Variants in ANO7 observed in about 807,000 individuals in gnomAD.
The protein encoded by ANO7 is anoctamin-7.
A neutral mutation model predicts 115.8 loss-of-function variants in ANO7; 114 were observed. The ratio of observed to expected loss-of-function variants is 0.98; its 90% CI spans 0.85 to 1.15. The LOEUF (loss-of-function observed/expected upper bound fraction) is 1.15, where lower values mean the gene tolerates loss of function less well. Ranked by LOEUF, ANO7 falls within the 50% of genes most tolerant of loss-of-function variation. The probability of loss-of-function intolerance (pLI) is 0.00; values close to 1 mark genes in which losing one functional copy is unlikely to be tolerated. For missense variants in ANO7, 1,302 were observed against 1,201.2 expected (o/e 1.08, Z -1.24); for synonymous variants, 550 against 498.2 (o/e 1.10, Z -1.38).
At chr2:241,189,080 G>A (rs772160247) in intron 1 of ANO7, among the ~76,000 whole-genome samples, 10 of 152,188 alleles carry the variant, frequency 6.6e-5, no homozygotes, top group Admixed American at 2.0e-4. Context: ...GGAGGGGCCC[G>A]CCTGCCCACC....
the ANO7 span, chr2:241,238,428 C>G: frequency 5.2e-6 from 2 of 385,846 alleles, no homozygotes; most frequent in Non-Finnish European, 9.2e-6. This position sits in a 1 kb window ranked among gnomAD's most constrained non-coding sequence, Gnocchi z 4.9. Flanking sequence ...CCTTGTGTGT[C>G]TCTAGGACCT....
intron 11 of ANO7, among the ~76,000 whole-genome samples, chr2:241,209,021 C>A (rs113393302): frequency 3.3e-5 from 5 of 152,152 alleles, no homozygotes; most frequent in East Asian, 1.9e-4. Flanking sequence ...TGGTGGCGGG[C>A]GCCTGTAGTC....
intron 9 of ANO7, among the ~76,000 whole-genome samples, chr2:241,204,357 G>A (rs924415532): frequency 2.0e-5 from 3 of 151,916 alleles, no homozygotes; most frequent in Non-Finnish European, 4.4e-5. Context: ...GGAGGCAGTG[G>A]GGGTACATGC....
At chr2:241,217,507 CAG>C in intron 19 of ANO7, 177 bp from the exon 20 acceptor site, 1 of 687,194 alleles carries the variant, frequency 1.5e-6, no homozygotes, top group Non-Finnish European at 2.4e-6. Context: ...TGAGGCCGGT[CAG>C]GAGAGGCGGC....
rs1436059237 is a variant in ANO7 at position 241,209,263 on chromosome 2, ACGCCCC to A, written c.1078-18_1078-13del. On this transcript the variant is annotated splice_polypyrimidine_tract_variant and intron_variant, in intron 11 of 24. Coordinates refer to ENST00000674324, the MANE Select transcript of ANO7 (RefSeq NM_001370694.2). ...GGCCTCCAGTCCCAAGCAAGTCTGG[ACGCCCC>A]CGCTCCCTGCCACAGGCCGGCCGGC... The A allele has an allele frequency of 6.5e-7, 1 of 1,541,592 alleles. No homozygotes were observed. Among genetic ancestry groups the A allele is most frequent in the Non-Finnish European group, 8.7e-7 (1 of 1,144,556 alleles).
rs947583424 is a variant in ANO7, at chr2:241,223,665, G to A, written c.2416G>A (p.Val806Met). ...RLAFVIVFEH[V>M]VFSVGRLLDL... ...GAGTGCCTTCCTCTGCTCCCAGCATGTGGTTTTCTCCGTTGGCCGCCTCCT... is the reference window on the plus strand; with the variant it reads ...GAGTGCCTTCCTCTGCTCCCAGCATATGGTTTTCTCCGTTGGCCGCCTCCT... Residue 806 changes from valine to methionine, a missense_variant, in exon 23 of 25, where the codon GTG (valine) becomes ATG (methionine). Physicochemically the swap from Val to Met is conservative, Grantham distance 21. Transcript: ENST00000674324. The A allele has an allele frequency of 2.2e-5, 36 of 1,612,512 alleles. No individual in the cohort carries two copies. Among genetic ancestry groups the A allele is most frequent in the Middle Eastern group, 1.6e-4 (1 of 6,084 alleles).
intron 8 of ANO7, among the ~76,000 whole-genome samples, chr2:241,202,838 C>A (rs1382057435): frequency 2.0e-5 from 3 of 152,350 alleles, no homozygotes; most frequent in South Asian, 2.1e-4. Context: ...GCATCTGGGG[C>A]CTGGTCAGGC....
At chr2:241,210,423 C>T in intron 14 of ANO7, 30 bp downstream of exon 14, 1 of 1,613,760 alleles carries the variant, frequency 6.2e-7, no homozygotes, top group South Asian at 1.1e-5. Context: ...CTCGGGGGGC[C>T]CTGAGCGGCC....
intron 21 of ANO7, among the ~76,000 whole-genome samples, chr2:241,221,943 G>A (rs931697710): frequency 6.6e-6 from 1 of 152,164 alleles, no homozygotes; most frequent in Non-Finnish European, 1.5e-5. Context: ...GCCTTCTAAA[G>A]CACTGGGATG....
At chr2:241,208,886 A>G (rs2068647392) in intron 11 of ANO7, among the ~76,000 whole-genome samples, 2 of 152,186 alleles carry the variant, frequency 1.3e-5, no homozygotes, top group Admixed American at 6.5e-5. Context: ...ACGGTGGCTC[A>G]CGCCTGTAAT....
intron 10 of ANO7, among the ~76,000 whole-genome samples, chr2:241,205,341 C>T (rs997737567): frequency 6.6e-6 from 1 of 151,068 alleles, no homozygotes; most frequent in African/African-American, 2.4e-5. Flanking sequence ...CCCAGGCTGA[C>T]AGGTGGTCAG....
the ANO7 span, chr2:241,233,986 T>A: frequency 1.9e-6 from 3 of 1,613,908 alleles, no homozygotes; most frequent in Non-Finnish European, 2.5e-6. The surrounding 1 kb of genome is among the most constrained non-coding windows in gnomAD (Gnocchi z 4.3). Context: ...GGAGCAAGAA[T>A]GAGGCAAAGA....
chr2:241,219,304 C>T (rs1028170508), intron 21 of ANO7, among the ~76,000 whole-genome samples: 2 of 152,044 alleles, frequency 1.3e-5, no homozygotes, highest in South Asian at 2.1e-4. Flanking sequence ...CTTTTCATAT[C>T]GGTCTCTCTC....
intron 2 of ANO7, among the ~76,000 whole-genome samples, chr2:241,190,733 G>A (rs1036281214): frequency 3.9e-5 from 6 of 152,182 alleles, no homozygotes; most frequent in Non-Finnish European, 8.8e-5. Flanking sequence ...TGAGCCTCCA[G>A]GGAGGGCACA....
chr2:241,197,651 CTTTT>C (rs397869408), intron 4 of ANO7, among the ~76,000 whole-genome samples: 3 of 135,056 alleles, frequency 2.2e-5, no homozygotes, highest in Non-Finnish European at 3.2e-5. Context: ...GTCACCTGCC[CTTTT>C]TTTTTTTTTT....
At position 241,208,887 on chromosome 2, in the gene ANO7, C is replaced by T. The variant is rs141832977; in HGVS notation, c.1078-398C>T. Among the ~76,000 whole-genome samples, 1,131 of 152,304 alleles carry T rather than the reference C, an allele frequency of 7.4e-3. 11 individuals carry two copies. Among genetic ancestry groups the T allele is most frequent in the African/African-American group, 0.026 (1,072 of 41,558 alleles). ...TCAGGGGGCTGGGCACGGTGGCTCA[C>T]GCCTGTAATCCCAGCACTTTGGGAG... On this transcript the variant is annotated intron_variant, in intron 11 of 24. Transcript: ENST00000674324.
the ANO7 span, among the ~76,000 whole-genome samples, chr2:241,232,540 T>C: frequency 1.3e-5 from 2 of 152,214 alleles, no homozygotes; most frequent in African/African-American, 2.4e-5. Context: ...CCTCCAAAAG[T>C]GTTGGGATTA....
the ANO7 span, chr2:241,238,450 C>T: frequency 1.2e-5 from 5 of 430,310 alleles, no homozygotes; most frequent in Non-Finnish European, 1.6e-5. The surrounding 1 kb of genome is among the most constrained non-coding windows in gnomAD (Gnocchi z 4.9). Context: ...TGAAGGTCAC[C>T]TGGTCACTCT....
chr2:241,213,486 C>A (rs2068760637), intron 17 of ANO7, among the ~76,000 whole-genome samples: 1 of 152,212 alleles, frequency 6.6e-6, no homozygotes, highest in Non-Finnish European at 1.5e-5. Context: ...GCAAAGCAGA[C>A]CCCAAGACAG....
Sources: allele counts gnomAD v4.1 joint callset (sites outside exome capture counted in the v4.1 genomes callset), GRCh38; gene constraint gnomAD v4.1.1; non-coding constraint Gnocchi (gnomAD v3.1); transcripts MANE v1.5; gene names NCBI Gene and HGNC (gene_info 2026-07-23, HGNC 2026-07-21).